TPST1: variants seen among roughly 807,000 people sequenced by gnomAD.
The protein encoded by TPST1 is protein-tyrosine sulfotransferase 1.
In TPST1, 20 loss-of-function variants were observed where a neutral mutation model predicts 34.8. The observed-to-expected ratio is 0.57, with a 90% CI of 0.40 to 0.84. TPST1 has a LOEUF of 0.84. Among genes scored for constraint, TPST1 ranks in the 40% least tolerant of loss-of-function variants. The pLI, the probability that TPST1 is intolerant of heterozygous loss-of-function variation, is 0.00. For synonymous variants in TPST1, 152 were observed against 159.4 expected, an observed-to-expected ratio of 0.95 and a Z score of 0.35; for missense variants, 353 against 455.5, an observed-to-expected ratio of 0.78 and a Z score of 2.05.
At chr7:66,204,645 A>G (rs963655565), upstream of TPST1, among the ~76,000 whole-genome samples, 1 of 152,218 alleles carries the variant, frequency 6.6e-6, no homozygotes, top group Non-Finnish European at 1.5e-5. Context: ...GAAACTGTAA[A>G]ATGAATGGAT....
chr7:66,286,139 A>G (rs1033727287), intron 2 of TPST1, among the ~76,000 whole-genome samples: 13 of 152,258 alleles, frequency 8.5e-5, no homozygotes, highest in African/African-American at 2.9e-4. Context: ...CTTTCCATCC[A>G]TCAGTCTGTC....
At chr7:66,347,627 T>G (rs1379408800) in intron 3 of TPST1, among the ~76,000 whole-genome samples, 1 of 152,246 alleles carries the variant, frequency 6.6e-6, no homozygotes, top group African/African-American at 2.4e-5. Flanking sequence ...ACCAGTATTA[T>G]TCTTTTTGCT....
chr7:66,244,912 G>A (rs1394421944), intron 2 of TPST1, among the ~76,000 whole-genome samples: 1 of 152,116 alleles, frequency 6.6e-6, no homozygotes, highest in African/African-American at 2.4e-5. Flanking sequence ...GAATGAAAAA[G>A]ATAATAGTAG....
chr7:66,327,433 A>G (rs1040461482), intron 3 of TPST1, among the ~76,000 whole-genome samples: 18 of 152,156 alleles, frequency 1.2e-4, no homozygotes, highest in African/African-American at 3.9e-4. Flanking sequence ...TAAAAAATGT[A>G]TATGTACAGC....
At chr7:66,276,030 C>T (rs1231563202) in intron 2 of TPST1, among the ~76,000 whole-genome samples, 1 of 151,138 alleles carries the variant, frequency 6.6e-6, no homozygotes, top group Non-Finnish European at 1.5e-5. Context: ...GTTGAAAAGT[C>T]TGATCTAATT....
chr7:66,245,537 G>T (rs950542903), intron 2 of TPST1, among the ~76,000 whole-genome samples: 8 of 152,230 alleles, frequency 5.3e-5, no homozygotes, highest in African/African-American at 1.9e-4. Flanking sequence ...AACTGCCTTA[G>T]CAGGGTTCTT....
At chr7:66,318,958 C>T (rs1036720526) in intron 3 of TPST1, among the ~76,000 whole-genome samples, 4 of 152,242 alleles carry the variant, frequency 2.6e-5, no homozygotes, top group Admixed American at 6.5e-5. Context: ...TTACTATCAG[C>T]GTAGTTGCTA....
intron 2 of TPST1, among the ~76,000 whole-genome samples, chr7:66,278,346 G>A (rs927738761): frequency 1.3e-5 from 2 of 152,096 alleles, no homozygotes; most frequent in Non-Finnish European, 2.9e-5. Context: ...TTAGAAGGCT[G>A]AGGCTGCCGT....
intron 1 of TPST1, among the ~76,000 whole-genome samples, chr7:66,238,509 A>G (rs1214462246): frequency 6.6e-6 from 1 of 150,746 alleles, no homozygotes; most frequent in East Asian, 2.0e-4. Flanking sequence ...CTGGCCTGCC[A>G]CAGTCTTAAC....
chr7:66,304,196 C>A (rs1274323718), intron 3 of TPST1, among the ~76,000 whole-genome samples: 1 of 152,198 alleles, frequency 6.6e-6, no homozygotes, highest in African/African-American at 2.4e-5. Flanking sequence ...GAGCTGGATA[C>A]AGCTACAGTT....
intron 3 of TPST1, among the ~76,000 whole-genome samples, chr7:66,300,870 G>A (rs553493701): frequency 2.6e-5 from 4 of 151,958 alleles, no homozygotes; most frequent in South Asian, 2.1e-4. Flanking sequence ...CGCTTGAACC[G>A]GGGAGGGAGA....
rs907543195 is a variant in TPST1 at position 66,317,795 on chromosome 7, T to A, written c.1044+31086T>A. On this transcript the variant is annotated intron_variant, in intron 3 of 5. Transcript: ENST00000304842. ...GGACTGTTTTCTTTTTGCATGATTT[T>A]AAAAAAATTCCATGTTCTCTTACTA... is the stretch of plus-strand genomic sequence containing the variant. 6.6e-5 allele frequency among the ~76,000 whole-genome samples: 10 copies of A among 152,292 alleles called. No homozygotes were observed. In the East Asian group the frequency reaches 1.2e-3, roughly 18 times the overall value.
chr7:66,266,208 T>C (rs1790589090), intron 2 of TPST1, among the ~76,000 whole-genome samples: 1 of 152,032 alleles, frequency 6.6e-6, no homozygotes, highest in Non-Finnish European at 1.5e-5. Context: ...CCCTGCACAT[T>C]TCCCATATTT....
At chr7:66,216,221 CTTGT>C (rs1428370555) in intron 1 of TPST1, among the ~76,000 whole-genome samples, 2 of 144,354 alleles carry the variant, frequency 1.4e-5, no homozygotes, top group Non-Finnish European at 3.0e-5. Context: ...TTGGATTATG[CTTGT>C]TTATGATCAC....
intron 1 of TPST1, among the ~76,000 whole-genome samples, chr7:66,215,581 A>T (rs1405749956): frequency 2.0e-5 from 3 of 150,532 alleles, no homozygotes; most frequent in Non-Finnish European, 4.4e-5. Context: ...TCACCATGTT[A>T]GCCAGGATGG....
chr7:66,298,410 C>T (rs1791245943), intron 3 of TPST1, among the ~76,000 whole-genome samples: 1 of 152,070 alleles, frequency 6.6e-6, no homozygotes, highest in African/African-American at 2.4e-5. Flanking sequence ...CTGCTGTTAC[C>T]CTCTGAAAGT....
At chr7:66,343,845 A>T (rs914813869) in intron 3 of TPST1, among the ~76,000 whole-genome samples, 1 of 152,248 alleles carries the variant, frequency 6.6e-6, no homozygotes, top group African/African-American at 2.4e-5. Context: ...AATAAGTATG[A>T]TTAATATACT....
At chr7:66,302,690 A>G (rs552632319) in intron 3 of TPST1, among the ~76,000 whole-genome samples, 2 of 152,338 alleles carry the variant, frequency 1.3e-5, no homozygotes, top group African/African-American at 4.8e-5. Flanking sequence ...TTCTCTGTGA[A>G]GAACTCATCC....
chr7:66,277,157 G>A (rs971519071), intron 2 of TPST1, among the ~76,000 whole-genome samples: 12 of 152,062 alleles, frequency 7.9e-5, no homozygotes, highest in African/African-American at 2.4e-4. Context: ...TTCTAATTGC[G>A]ATGTCCTGTC....
Sources: allele counts gnomAD v4.1 joint callset (sites outside exome capture counted in the v4.1 genomes callset), GRCh38; gene constraint gnomAD v4.1.1; transcripts MANE v1.5; gene names NCBI Gene and HGNC (gene_info 2026-07-23, HGNC 2026-07-21).